The following GABBR1 variants were observed in gnomAD, a reference collection of about 807,000 sequenced individuals.
GABBR1 encodes the protein gamma-aminobutyric acid type B receptor subunit 1, also known as GABA-B receptor, R1 subunit.
Under a neutral mutation model 117.7 loss-of-function variants are expected in GABBR1, and 35 were observed. The observed-to-expected ratio is 0.30, with a 90% CI of 0.23 to 0.39. The LOEUF (loss-of-function observed/expected upper bound fraction) is 0.39, where lower values mean the gene tolerates loss of function less well. GABBR1 is among the 10% of genes least tolerant of loss of function. The probability of loss-of-function intolerance (pLI) is 1.00; values close to 1 mark genes in which losing one functional copy is unlikely to be tolerated. For synonymous variants in GABBR1, 442 were observed against 486.6 expected, an observed-to-expected ratio of 0.91 and a Z score of 1.21; for missense variants, 709 against 1,241.8, an observed-to-expected ratio of 0.57 and a Z score of 6.45.
At chr6:29,612,466 G>A (rs1399189517) in intron 13 of GABBR1, 85 bp downstream of exon 13, 1 of 1,115,298 alleles carries the variant, frequency 9.0e-7, no homozygotes, top group Admixed American at 1.9e-5. Flanking sequence ...ATCTTGTGAT[G>A]TCTCTGGCAT....
intron 14 of GABBR1, 131 bp downstream of exon 14, chr6:29,610,793 T>A (rs992852353): frequency 2.7e-6 from 2 of 745,550 alleles, no homozygotes; most frequent in African/African-American, 3.5e-5. Context: ...CACTTAACCC[T>A]TTCTCCTGGC....
At chr6:29,617,262 C>A (rs1160571540) in intron 11 of GABBR1, among the ~76,000 whole-genome samples, 1 of 151,440 alleles carries the variant, frequency 6.6e-6, no homozygotes, top group Non-Finnish European at 1.5e-5. Flanking sequence ...TAATTTCAGC[C>A]CAATATTTCA....
At chr6:29,615,856 C>T (rs1482063082) in intron 11 of GABBR1, among the ~76,000 whole-genome samples, 1 of 151,922 alleles carries the variant, frequency 6.6e-6, no homozygotes, top group Non-Finnish European at 1.5e-5. Context: ...ATCATGAGGT[C>T]AGGAGTTCAA....
At position 29,605,955 on chromosome 6, in the gene GABBR1, TG is replaced by T. The variant is rs1761910853; in HGVS notation, c.2312-260del. On this transcript the variant is annotated intron_variant, in intron 19 of 22. Coordinates refer to ENST00000377034, the MANE Select transcript of GABBR1 (RefSeq NM_001470.4). The surrounding 1 kb of genome is among the most constrained non-coding windows in gnomAD (Gnocchi z 4.2). Reference sequence around the variant, plus strand: ...AGCTGCTGTCAGTCAGGCAAGGGCTTGTTGAATATCTAGAAATAGGCCAGTC... The same window carrying T: ...AGCTGCTGTCAGTCAGGCAAGGGCTTTTGAATATCTAGAAATAGGCCAGTC... 1.6e-5 allele frequency: 9 copies of T among 569,678 alleles called. No homozygotes were observed. In the South Asian group the frequency reaches 1.9e-4, roughly 12 times the overall value. The allele number at this position is 569,678 out of a possible 1,614,324, so 35.3% of individuals were successfully genotyped here.
intron 13 of GABBR1, 53 bp downstream of exon 13, chr6:29,612,498 G>A (rs1762650384): frequency 6.5e-7 from 1 of 1,529,234 alleles, no homozygotes; most frequent in Admixed American, 1.7e-5. Flanking sequence ...GGGCATCCCA[G>A]CCCAGCCCCA....
rs1761988268 is a variant in GABBR1 at position 29,606,636 on chromosome 6, C to G, written c.2218-152G>C. 3.0e-6 allele frequency: 2 copies of G among 667,444 alleles called. No homozygotes were observed. Among genetic ancestry groups the G allele is most frequent in the Admixed American group, 2.4e-5 (1 of 41,150 alleles). 41.3% of individuals were successfully genotyped at this position (667,444 alleles called of 1,614,324 possible). On this transcript the variant is annotated intron_variant, in intron 18 of 22. Transcript: ENST00000377034. This position sits in a 1 kb window ranked among gnomAD's most constrained non-coding sequence, Gnocchi z 4.5. The stretch of plus-strand genomic sequence containing the variant: ...TAGGCCTAAGAATGTTTTCCTGAAC[C>G]CTTGGAGGTGCTTGTTCCCCACTTT...
rs1562069976 is a variant in GABBR1, at chr6:29,602,963, G to GT, written c.*579dup. 6.6e-6 allele frequency: 3 copies of GT among 456,094 alleles called. No individual in the cohort carries two copies. The highest frequency in any genetic ancestry group is 1.4e-4 in the East Asian group (2 of 14,390). 28.3% of individuals were successfully genotyped at this position (456,094 alleles called of 1,614,324 possible). A position where few individuals can be genotyped will look rare whatever the true frequency, so the allele number is the denominator to read the frequency against. ...AGGGGAGGATGCATGTGTGCTGAGC[G>GT]TGAGTGCACAGAGCAGAGGCAAGGA... On this transcript the variant is annotated 3_prime_UTR_variant, in exon 23 of 23. Transcript: ENST00000377034.
intron 11 of GABBR1, among the ~76,000 whole-genome samples, chr6:29,615,609 T>TA (rs28751302): frequency 0.012 from 1,406 of 121,396 alleles, 18 homozygotes; most frequent in African/African-American, 0.023. Context: ...ACTCTGCCTT[T>TA]AAAAAAAAAA....
rs764638123 is a variant in GABBR1, at chr6:29,609,244, T to C, written c.1844A>G (p.Tyr615Cys). The change falls in exon 15 of 23, where the codon TAC becomes TGC. Residue 615 changes from tyrosine (Y) to cysteine (C), a missense_variant. Around this residue, in one of 9 missense-constraint regions of GABBR1, gnomAD observed 251 missense variants for 445.3 expected, o/e 0.56. Transcript: ENST00000377034. The surrounding 1 kb of genome is among the most constrained non-coding windows in gnomAD (Gnocchi z 4.3). Reference sequence around the variant, plus strand: ...AGAAACTTACCGGACATGTGAGTTGTAGATGTTAAAGGACAGACAGACAAC... The same window carrying C: ...AGAAACTTACCGGACATGTGAGTTGCAGATGTTAAAGGACAGACAGACAAC... ...LAVVCLSFNI[Y>C]NSHVRYIQNS... is the part of the protein sequence containing the mutation. The C allele has an allele frequency of 6.2e-7, 1 of 1,612,934 alleles. No individual in the cohort carries two copies. Among genetic ancestry groups the C allele is most frequent in the Non-Finnish European group, 8.5e-7 (1 of 1,179,976 alleles).
chr6:29,628,785 C>A (rs1764642077), intron 5 of GABBR1, among the ~76,000 whole-genome samples: 2 of 151,998 alleles, frequency 1.3e-5, no homozygotes. Context: ...TCAGGGTCTC[C>A]CAGCACCCTG....
rs538265209 is a variant in GABBR1 at position 29,618,663 on chromosome 6, C to T, written c.1323+2438G>A. 8.5e-5 allele frequency among the ~76,000 whole-genome samples: 13 copies of T among 152,236 alleles called. No homozygotes were observed. In the South Asian group the frequency reaches 1.9e-3, roughly 22 times the overall value. On this transcript the variant is annotated intron_variant, in intron 11 of 22. Transcript: ENST00000377034. ...CAATCTTATCTCCAGGATGCCACCT[C>T]CCACATTCCCCTCTAGCCCACAGCT...
At position 29,604,872 on chromosome 6, in the gene GABBR1, G is replaced by A; in HGVS notation, c.2556C>T (p.Leu852=). ...VFSSYITLVV[L]FVPKMRRLIT... is the part of the protein sequence containing the mutation. ...GCCAGATCCTTACCTTGGGCACAAAGAGCACAACAAGAGTGATATAGGAGG... is the reference window on the plus strand; with the variant it reads ...GCCAGATCCTTACCTTGGGCACAAAAAGCACAACAAGAGTGATATAGGAGG... Residue 852 remains leucine (L), a synonymous_variant, in exon 21 of 23, where the codon CTC becomes CTT. Transcript: ENST00000377034. The surrounding 1 kb of genome is among the most constrained non-coding windows in gnomAD (Gnocchi z 5.3). The A allele has an allele frequency of 6.2e-7, 1 of 1,612,732 alleles. No homozygotes were observed. Among genetic ancestry groups the A allele is most frequent in the Non-Finnish European group, 8.5e-7 (1 of 1,179,816 alleles).
At chr6:29,625,852 C>T (rs1367454906) in intron 6 of GABBR1, among the ~76,000 whole-genome samples, 1 of 152,144 alleles carries the variant, frequency 6.6e-6, no homozygotes, top group Non-Finnish European at 1.5e-5. Flanking sequence ...TCCCCAAAAC[C>T]AATGATCTCT....
In GABBR1 at chr6:29,604,124, G is replaced by T. The variant is rs1761700470; in HGVS notation, c.2712+370C>A. ...GCCTGCCCAGGTCCTTTATGCTGGG[G>T]CTGCATGCTACACCCAGCTGCTGTG... is the stretch of plus-strand genomic sequence containing the variant. On this transcript the variant is annotated intron_variant, in intron 22 of 22. Coordinates refer to ENST00000377034, the MANE Select transcript of GABBR1 (RefSeq NM_001470.4). This position sits in a 1 kb window ranked among gnomAD's most constrained non-coding sequence, Gnocchi z 5.3. Among the ~76,000 whole-genome samples, 1 of 152,028 alleles carries T rather than the reference G, an allele frequency of 6.6e-6. No individual in the cohort carries two copies. Among genetic ancestry groups the T allele is most frequent in the Admixed American group, 6.6e-5 (1 of 15,266 alleles).
At position 29,613,272 on chromosome 6, in the gene GABBR1, T is replaced by C; in HGVS notation, c.1537A>G (p.Met513Val). 2 of 1,613,006 alleles carry C rather than the reference T, an allele frequency of 1.2e-6. No homozygotes were observed. The highest frequency in any genetic ancestry group is 1.7e-6 in the Non-Finnish European group (2 of 1,179,948). Residue 513 changes from methionine to valine, a missense_variant, in exon 12 of 23, where the codon ATG (methionine) becomes GTG (valine). Physicochemically the swap from Met to Val is conservative, Grantham distance 21. Around this residue, in one of 9 missense-constraint regions of GABBR1, gnomAD observed 38 missense variants for 47.7 expected, o/e 0.80. Coordinates refer to ENST00000377034, the MANE Select transcript of GABBR1 (RefSeq NM_001470.4). The surrounding 1 kb of genome is among the most constrained non-coding windows in gnomAD (Gnocchi z 4.1). ...QTITDQIYRA[M>V]NSSSFEGVSG... The stretch of plus-strand genomic sequence containing the variant: ...ACACCCTCAAAGGACGAAGAGTTCA[T>C]TGCCCGGTAGATTTGGTCGGTAATG...
rs1296276836 is a variant in GABBR1 at position 29,607,696 on chromosome 6, C to T, written c.1993-478G>A. ...TAGCCACACGATGCTCCCTATGCCC[C>T]TGAAGTAGCCTTCCTCTATTTCTCT... On this transcript the variant is annotated intron_variant, in intron 16 of 22. Coordinates refer to ENST00000377034, the MANE Select transcript of GABBR1 (RefSeq NM_001470.4). This position sits in a 1 kb window ranked among gnomAD's most constrained non-coding sequence, Gnocchi z 5.0. Among the ~76,000 whole-genome samples, 1 of 152,230 alleles carries T rather than the reference C, an allele frequency of 6.6e-6. No individual in the cohort carries two copies. The highest frequency in any genetic ancestry group is 2.4e-5 in the African/African-American group (1 of 41,454).
chr6:29,608,682 G>A lies in GABBR1; in HGVS notation c.1911C>T (p.Cys637=). ...GGAAGACAGCAGCTAAAGCCAGTGAGCAGCCCACAGCAGTCAGGTTGTTCA... is the reference window on the plus strand; with the variant it reads ...GGAAGACAGCAGCTAAAGCCAGTGAACAGCCCACAGCAGTCAGGTTGTTCA... The part of the protein sequence containing the change: ...PNLNNLTAVG[C]SLALAAVFPL... Residue 637 remains cysteine, a synonymous_variant, in exon 16 of 23, where the codon TGC becomes TGT. Coordinates refer to ENST00000377034, the MANE Select transcript of GABBR1 (RefSeq NM_001470.4). The A allele has an allele frequency of 6.2e-7, 1 of 1,613,084 alleles. No homozygotes were observed. Among genetic ancestry groups the A allele is most frequent in the Non-Finnish European group, 8.5e-7 (1 of 1,180,000 alleles).
intron 11 of GABBR1, among the ~76,000 whole-genome samples, chr6:29,615,647 G>T (rs9468561): frequency 0.31 from 46,312 of 150,544 alleles, 7,363 homozygotes; most frequent in East Asian, 0.41. Flanking sequence ...GGCACAGGGG[G>T]CTCACGCCTG....
Position 29,621,860 on chromosome 6 carries a change from T to C in GABBR1, c.1066-43A>G. ...ACAGCTCCTGAGGGATGCCCGGGAA[T>C]GCCTGAGGGGCTAAGCCAGATGTCT... On this transcript the variant is annotated intron_variant, in intron 9 of 22. Transcript: ENST00000377034. The surrounding 1 kb of genome is among the most constrained non-coding windows in gnomAD (Gnocchi z 5.0). The C allele has an allele frequency of 6.3e-7, 1 of 1,598,090 alleles. No individual in the cohort carries two copies. The highest frequency in any genetic ancestry group is 8.6e-7 in the Non-Finnish European group (1 of 1,165,624).
Sources: gnomAD v4.1 joint callset for allele counts (sites outside exome capture counted in the v4.1 genomes callset) on GRCh38, gnomAD v4.1.1 for gene constraint, gnomAD v4.1.1 regional missense constraint, Gnocchi (gnomAD v3.1) non-coding constraint, MANE v1.5 for transcripts, NCBI Gene and HGNC (gene_info 2026-07-23, HGNC 2026-07-21) for gene names.